CDH12: variants seen among roughly 807,000 people sequenced by gnomAD.
CDH12 encodes the protein cadherin 12, also known as cadherin-12.
Under a neutral mutation model 74.1 loss-of-function variants are expected in CDH12, and 41 were observed. That is an observed-to-expected ratio of 0.55 (90% CI 0.43 to 0.72). The LOEUF (loss-of-function observed/expected upper bound fraction) is 0.72. Ranked by LOEUF, CDH12 falls within the 30% of genes least tolerant of loss-of-function variation. The pLI, the probability that CDH12 is intolerant of heterozygous loss-of-function variation, is 0.00. For synonymous variants in CDH12, 399 were observed against 355.0 expected (o/e 1.12, Z -1.39); for missense variants, 945 against 977.2 (o/e 0.97, Z 0.44).
At chr5:22,098,814 C>A (rs1245814351) in intron 4 of CDH12, among the ~76,000 whole-genome samples, 1 of 152,130 alleles carries the variant, frequency 6.6e-6, no homozygotes, top group Non-Finnish European at 1.5e-5. Context: ...CTGATTATGG[C>A]TTGATTTATT....
chr5:22,418,504 G>A (rs1176585729), intron 2 of CDH12, among the ~76,000 whole-genome samples: 1 of 152,194 alleles, frequency 6.6e-6, no homozygotes, highest in East Asian at 1.9e-4. Context: ...TGGTGAGAGA[G>A]GGTATCCTTG....
chr5:22,506,102 A>T (rs964490670), intron 1 of CDH12, among the ~76,000 whole-genome samples: 2 of 151,992 alleles, frequency 1.3e-5, no homozygotes, highest in Admixed American at 1.3e-4. Context: ...TGATCAGCTG[A>T]CTGGGGTACT....
chr5:22,475,615 A>T (rs1746135414), intron 2 of CDH12, among the ~76,000 whole-genome samples: 1 of 152,080 alleles, frequency 6.6e-6, no homozygotes, highest in African/African-American at 2.4e-5. Context: ...CTATTACATT[A>T]TATAAAAGTA....
chr5:22,209,741 C>T (rs11960935), intron 4 of CDH12, among the ~76,000 whole-genome samples: 133,123 of 151,392 alleles, frequency 0.88, 58,636 homozygotes, highest in East Asian at 0.97. Context: ...TACAAAATCA[C>T]TTATTTTGTG....
chr5:22,345,551 T>G (rs1740074461), intron 3 of CDH12, among the ~76,000 whole-genome samples: 1 of 152,192 alleles, frequency 6.6e-6, no homozygotes, highest in African/African-American at 2.4e-5. Context: ...ATGTTAAATA[T>G]ATTTATTAAC....
intron 1 of CDH12, among the ~76,000 whole-genome samples, chr5:22,741,464 G>A (rs1286387470): frequency 6.6e-6 from 1 of 152,152 alleles, no homozygotes. Context: ...AAACCAAACT[G>A]GTTTAAATGG....
In CDH12 at chr5:22,095,272, A is replaced by G. The variant is rs188790018; in HGVS notation, c.-186-16410T>C. On this transcript the variant is annotated intron_variant, in intron 4 of 14. Coordinates refer to ENST00000382254, the MANE Select transcript of CDH12 (RefSeq NM_004061.5). ...TATCCCTCAACCACTTTCTCCTTTC[A>G]ATCTTGGTGCCACCCTTCAATCTCT... 1.2e-3 allele frequency among the ~76,000 whole-genome samples: 184 copies of G among 152,042 alleles called. 1 individual carries two copies. The highest frequency in any genetic ancestry group is 3.9e-3 in the African/African-American group (162 of 41,474).
At chr5:21,980,397 TA>T (rs566962577) in intron 5 of CDH12, among the ~76,000 whole-genome samples, 7 of 152,128 alleles carry the variant, frequency 4.6e-5, no homozygotes, top group South Asian at 2.1e-4. Context: ...GGGTAAAAAA[TA>T]AAAAAGTTAT....
At chr5:22,771,333 G>A (rs1016560894) in intron 1 of CDH12, among the ~76,000 whole-genome samples, 9 of 152,036 alleles carry the variant, frequency 5.9e-5, no homozygotes, top group African/African-American at 2.2e-4. Context: ...GTCTTTGGCT[G>A]ATGCACATGA....
At chr5:22,165,980 C>A (rs1015060837) in intron 4 of CDH12, among the ~76,000 whole-genome samples, 50 of 152,098 alleles carry the variant, frequency 3.3e-4, no homozygotes, top group African/African-American at 1.1e-3. Flanking sequence ...AACAAGCAAC[C>A]ATCAGCCCTC....
At chr5:22,615,671 A>G (rs1737656680) in intron 1 of CDH12, among the ~76,000 whole-genome samples, 1 of 152,168 alleles carries the variant, frequency 6.6e-6, no homozygotes, top group African/African-American at 2.4e-5. Context: ...AAACACAATT[A>G]GAGGTAATTA....
chr5:22,284,572 G>A (rs1199921206), intron 3 of CDH12, among the ~76,000 whole-genome samples: 1 of 152,124 alleles, frequency 6.6e-6, no homozygotes, highest in African/African-American at 2.4e-5. Flanking sequence ...CTTCATCAAA[G>A]CATGAAAGCA....
intron 3 of CDH12, among the ~76,000 whole-genome samples, chr5:22,232,741 T>C (rs1752426415): frequency 2.0e-5 from 3 of 151,346 alleles, no homozygotes; most frequent in Admixed American, 2.0e-4. Flanking sequence ...TTATAAGCAG[T>C]TTTTAATAAT....
At chr5:21,762,274 G>A (rs1368478030) in intron 12 of CDH12, among the ~76,000 whole-genome samples, 1 of 152,082 alleles carries the variant, frequency 6.6e-6, no homozygotes, top group Non-Finnish European at 1.5e-5. Context: ...TGGAAGTGTT[G>A]CTTGGAAGTC....
chr5:22,006,600 AGT>A lies in CDH12; in HGVS notation c.232-31217_232-31216del, dbSNP rs1256418068. Among the ~76,000 whole-genome samples the A allele has an allele frequency of 2.0e-5, 3 of 152,292 alleles. No individual in the cohort carries two copies. The East Asian group carries it at 5.8e-4, about 29-fold the overall frequency. The stretch of plus-strand genomic sequence containing the variant: ...TTTGAATCTTATGTCTGAAGGCTTT[AGT>A]GAGTTCACCTATAGATATAACATTT... On this transcript the variant is annotated intron_variant, in intron 5 of 14. Coordinates refer to ENST00000382254, the MANE Select transcript of CDH12 (RefSeq NM_004061.5).
chr5:22,768,581 C>T (rs2127066682), intron 1 of CDH12, among the ~76,000 whole-genome samples: 1 of 151,822 alleles, frequency 6.6e-6, no homozygotes, highest in South Asian at 2.1e-4. Flanking sequence ...ACTCAAAACA[C>T]CAATGTTTCA....
intron 1 of CDH12, among the ~76,000 whole-genome samples, chr5:22,826,702 A>G (rs975088117): frequency 1.3e-5 from 2 of 152,186 alleles, no homozygotes; most frequent in African/African-American, 4.8e-5. Flanking sequence ...TGTTTTAACA[A>G]AGAGACTGGT....
chr5:22,650,247 A>G (rs539987856), intron 1 of CDH12, among the ~76,000 whole-genome samples: 11 of 152,022 alleles, frequency 7.2e-5, no homozygotes, highest in Non-Finnish European at 1.3e-4. Flanking sequence ...GGGAAGATGC[A>G]CACAGGAAAC....
intron 1 of CDH12, among the ~76,000 whole-genome samples, chr5:22,714,564 A>G (rs1743472677): frequency 6.6e-6 from 1 of 152,186 alleles, no homozygotes; most frequent in East Asian, 1.9e-4. Flanking sequence ...AGATATGGAT[A>G]GAAGGGGGAA....
Sources: allele counts gnomAD v4.1 joint callset (sites outside exome capture counted in the v4.1 genomes callset), GRCh38; gene constraint gnomAD v4.1.1; transcripts MANE v1.5; gene names NCBI Gene and HGNC (gene_info 2026-07-23, HGNC 2026-07-21).